NRXN1: variants seen among roughly 807,000 people sequenced by gnomAD.
NRXN1 encodes the protein neurexin 1.
In NRXN1, 39 loss-of-function variants were observed where a neutral mutation model predicts 150.9. The ratio of observed to expected loss-of-function variants is 0.26; its 90% CI spans 0.20 to 0.34. The LOEUF (loss-of-function observed/expected upper bound fraction) is 0.34. Ranked by LOEUF, NRXN1 falls within the 10% of genes least tolerant of loss-of-function variation. NRXN1 has a pLI of 1.00. For missense variants in NRXN1, 1,815 were observed against 1,949.9 expected (o/e 0.93, Z 1.30); for synonymous variants, 924 against 757.0 (o/e 1.22, Z -3.62).
At chr2:50,296,692 T>C (rs1390389947) in intron 17 of NRXN1, among the ~76,000 whole-genome samples, 1 of 151,952 alleles carries the variant, frequency 6.6e-6, no homozygotes, top group African/African-American at 2.4e-5. Flanking sequence ...GGTCTTGAAC[T>C]CCTGGCTTCA....
At chr2:49,993,929 C>G (rs1682478079) in intron 21 of NRXN1, among the ~76,000 whole-genome samples, 1 of 152,150 alleles carries the variant, frequency 6.6e-6, no homozygotes, top group African/African-American at 2.4e-5. Context: ...GTGATGTTTT[C>G]TGCCTTCTGT....
chr2:50,982,647 G>T (rs905747234), intron 2 of NRXN1, among the ~76,000 whole-genome samples: 12 of 152,150 alleles, frequency 7.9e-5, no homozygotes, highest in Middle Eastern at 3.4e-3. Flanking sequence ...ATTTGGCATA[G>T]CACCTAAGTT....
intron 19 of NRXN1, among the ~76,000 whole-genome samples, chr2:50,066,618 G>T (rs1233533726): frequency 6.6e-6 from 1 of 151,984 alleles, no homozygotes; most frequent in Non-Finnish European, 1.5e-5. Flanking sequence ...TAAATAAATA[G>T]ACTCTCCAAT....
intron 2 of NRXN1, among the ~76,000 whole-genome samples, chr2:50,926,725 A>G (rs944205725): frequency 5.9e-5 from 9 of 151,862 alleles, no homozygotes; most frequent in Non-Finnish European, 1.3e-4. Flanking sequence ...AATTTGTTTG[A>G]GACAATGAAA....
At chr2:50,528,833 AAAC>A (rs1305369851) in intron 11 of NRXN1, 182 bp from the exon 12 acceptor site, 2 of 498,270 alleles carry the variant, frequency 4.0e-6, no homozygotes, top group Non-Finnish European at 7.2e-6. Context: ...TTACCATTGG[AAAC>A]AACAATAGAA....
chr2:50,978,303 T>TAA, intron 2 of NRXN1, among the ~76,000 whole-genome samples: 1 of 126,870 alleles, frequency 7.9e-6, no homozygotes, highest in East Asian at 2.4e-4. Flanking sequence ...TATATATATA[T>TAA]ATAAAATATA....
chr2:49,957,571 T>C (rs1675204405), intron 21 of NRXN1, among the ~76,000 whole-genome samples: 1 of 152,174 alleles, frequency 6.6e-6, no homozygotes, highest in African/African-American at 2.4e-5. Flanking sequence ...GATTATATGT[T>C]TGATAGGACA....
At chr2:50,172,852 AGCCACTTGGG>A (rs1474977364) in intron 18 of NRXN1, among the ~76,000 whole-genome samples, 1 of 152,288 alleles carries the variant, frequency 6.6e-6, no homozygotes, top group Non-Finnish European at 1.5e-5. Context: ...CTGTAGTCCC[AGCCACTTGGG>A]AGGCTGAGAC....
At chr2:50,426,982 A>T (rs926600070) in intron 17 of NRXN1, among the ~76,000 whole-genome samples, 1 of 152,202 alleles carries the variant, frequency 6.6e-6, no homozygotes, top group Non-Finnish European at 1.5e-5. Context: ...GTATTTTCAA[A>T]ATTTGAAGAC....
At chr2:50,123,313 AG>A (rs1175272577) in intron 18 of NRXN1, among the ~76,000 whole-genome samples, 1 of 152,196 alleles carries the variant, frequency 6.6e-6, no homozygotes, top group Non-Finnish European at 1.5e-5. Flanking sequence ...TAAAGATGAA[AG>A]GAGGTAACGA....
intron 5 of NRXN1, among the ~76,000 whole-genome samples, chr2:50,902,353 A>C (rs1683077353): frequency 6.6e-6 from 1 of 152,118 alleles, no homozygotes; most frequent in African/African-American, 2.4e-5. Flanking sequence ...TTTAGAATAG[A>C]AGAAGAACAA....
At chr2:50,751,157 C>A (rs990870381) in intron 5 of NRXN1, among the ~76,000 whole-genome samples, 1 of 151,938 alleles carries the variant, frequency 6.6e-6, no homozygotes, top group Non-Finnish European at 1.5e-5. Flanking sequence ...CTAGAGATGG[C>A]ATATAGGCTT....
At chr2:50,742,080 A>G (rs1381957631) in intron 5 of NRXN1, among the ~76,000 whole-genome samples, 2 of 152,182 alleles carry the variant, frequency 1.3e-5, no homozygotes, top group Admixed American at 6.5e-5. Context: ...TGGTTTATGA[A>G]TATTCAATCA....
At chr2:50,581,646 G>C (rs984431260) in intron 8 of NRXN1, among the ~76,000 whole-genome samples, 1 of 152,164 alleles carries the variant, frequency 6.6e-6, no homozygotes, top group African/African-American at 2.4e-5. Context: ...AGAATTTGGA[G>C]GGATCATGAG....
chr2:50,273,674 C>A (rs1015625962), intron 17 of NRXN1, among the ~76,000 whole-genome samples: 1 of 151,918 alleles, frequency 6.6e-6, no homozygotes, highest in Non-Finnish European at 1.5e-5. Context: ...TCAAGTATAA[C>A]CTTAATATTT....
At chr2:50,847,192 G>A (rs1017605869) in intron 5 of NRXN1, among the ~76,000 whole-genome samples, 1 of 152,056 alleles carries the variant, frequency 6.6e-6, no homozygotes, top group Non-Finnish European at 1.5e-5. Context: ...GAAGGAGAAG[G>A]TCAGAGCATG....
Position 51,029,010 on chromosome 2 carries a change from G to A in NRXN1, c.-737C>T, listed in dbSNP as rs576304978. On this transcript the variant is annotated 5_prime_UTR_variant, in exon 2 of 23. Coordinates refer to ENST00000401669, the MANE Select transcript of NRXN1 (RefSeq NM_001330078.2). ...GATTTTACTTCTCTTTTCAGCCACG[G>A]CAACAGTAGGACTCAAACCCAGCAG... 2 of 152,332 alleles carry A rather than the reference G, an allele frequency of 1.3e-5. No homozygotes were observed. Among genetic ancestry groups the A allele is most frequent in the East Asian group, 1.9e-4 (1 of 5,164 alleles). The allele number at this position is 152,332 out of a possible 1,614,324, so 9.4% of individuals were successfully genotyped here.
intron 8 of NRXN1, among the ~76,000 whole-genome samples, chr2:50,608,962 C>T (rs1010388602): frequency 6.6e-6 from 1 of 152,014 alleles, no homozygotes; most frequent in African/African-American, 2.4e-5. Flanking sequence ...AAAAAAAAAT[C>T]CAGTTTCTTA....
At chr2:50,231,926 C>A (rs2064979882) in intron 18 of NRXN1, among the ~76,000 whole-genome samples, 1 of 152,082 alleles carries the variant, frequency 6.6e-6, no homozygotes, top group Non-Finnish European at 1.5e-5. Flanking sequence ...AAGTCATTAT[C>A]AGTTAAATAA....
Sources: allele counts gnomAD v4.1 joint callset (sites outside exome capture counted in the v4.1 genomes callset), GRCh38; gene constraint gnomAD v4.1.1; transcripts MANE v1.5; gene names NCBI Gene and HGNC (gene_info 2026-07-23, HGNC 2026-07-21).